PDCD6: variants seen among roughly 807,000 people sequenced by gnomAD.
PDCD6 encodes the protein programmed cell death protein 6.
In PDCD6, 12 loss-of-function variants were observed where a neutral mutation model predicts 28.3. The observed-to-expected ratio is 0.42, with a 90% CI of 0.27 to 0.69. The LOEUF (loss-of-function observed/expected upper bound fraction) is 0.69. PDCD6 is among the 30% of genes least tolerant of loss of function. PDCD6 has a pLI of 0.22. For missense variants in PDCD6, 226 were observed against 269.9 expected (o/e 0.84, Z 1.14); for synonymous variants, 92 against 108.0 (o/e 0.85, Z 0.92).
chr5:314,030 C>CTGTGTCCTCA (rs76623415), intron 5 of PDCD6, among the ~76,000 whole-genome samples: 2 of 151,714 alleles, frequency 1.3e-5, no homozygotes, highest in African/African-American at 4.8e-5. Context: ...GCATCCCCTG[C>CTGTGTCCTCA]GCTGCACATG....
intron 4 of PDCD6, chr5:308,830 A>AT (rs1461494335): frequency 3.3e-5 from 5 of 152,060 alleles, no homozygotes; most frequent in African/African-American, 4.8e-5. Flanking sequence ...TAATCCACCG[A>AT]TTCGTTTTTT....
intron 5 of PDCD6, 36 bp downstream of exon 5, chr5:311,438 G>A (rs764291004): frequency 1.7e-5 from 25 of 1,432,556 alleles, no homozygotes; most frequent in Non-Finnish European, 2.4e-5. Flanking sequence ...TGTGGTGGTG[G>A]TGGGAGGGGC....
At chr5:294,656 C>T (rs1161371800) in intron 2 of PDCD6, among the ~76,000 whole-genome samples, 1 of 152,258 alleles carries the variant, frequency 6.6e-6, no homozygotes, top group Non-Finnish European at 1.5e-5. Flanking sequence ...CGAAGTTAAG[C>T]ACATCCTTAC....
intron 2 of PDCD6, among the ~76,000 whole-genome samples, chr5:291,765 G>A (rs1323245722): frequency 3.9e-5 from 6 of 152,066 alleles, no homozygotes; most frequent in South Asian, 2.1e-4. Flanking sequence ...ATCTCCCATC[G>A]TCTGAGGGGA....
At chr5:314,287 T>G in intron 5 of PDCD6, 130 bp from the exon 6 acceptor site, 1 of 645,984 alleles carries the variant, frequency 1.5e-6, no homozygotes, top group East Asian at 2.6e-5. Context: ...TGCGCCTCCC[T>G]GTGCTGGGCT....
Position 314,603 on chromosome 5 carries a change from T to C in PDCD6, c.*88T>C. On this transcript the variant is annotated 3_prime_UTR_variant, in exon 6 of 6. Coordinates refer to ENST00000264933, the MANE Select transcript of PDCD6 (RefSeq NM_013232.4). Reference sequence around the variant, plus strand: ...GTGAGGGAATGGAGCACAGGTGCAGTTAGATGCTGTTCTTCCTTTAGATTT... The same window carrying C: ...GTGAGGGAATGGAGCACAGGTGCAGCTAGATGCTGTTCTTCCTTTAGATTT... 2 of 897,180 alleles carry C rather than the reference T, an allele frequency of 2.2e-6. No homozygotes were observed. The highest frequency in any genetic ancestry group is 3.7e-6 in the Non-Finnish European group (2 of 542,226). 55.6% of individuals were successfully genotyped at this position (897,180 alleles called of 1,614,324 possible). A position where few individuals can be genotyped will look rare whatever the true frequency, so the allele number is the denominator to read the frequency against.
At chr5:272,475 G>GGAGA (rs1421979217) in intron 1 of PDCD6, among the ~76,000 whole-genome samples, 2 of 140,608 alleles carry the variant, frequency 1.4e-5, no homozygotes, top group African/African-American at 5.9e-5. Flanking sequence ...AGACAGGCCA[G>GGAGA]GAGAGGAAGG....
intron 2 of PDCD6, among the ~76,000 whole-genome samples, chr5:301,965 G>A (rs567713942): frequency 5.4e-5 from 8 of 146,962 alleles, no homozygotes; most frequent in South Asian, 2.2e-4. Flanking sequence ...GCGGGTCATC[G>A]AGTGCTGCTG....
chr5:289,001 G>A (rs1250838479), intron 2 of PDCD6: 9 of 1,243,006 alleles, frequency 7.2e-6, no homozygotes, highest in Admixed American at 1.7e-5. Context: ...CATTACCTTC[G>A]GAATGTAGTA....
intron 4 of PDCD6, chr5:310,017 C>CCCGTGCACACCAGTGATGGCTGCCGTG (rs1740801325): frequency 4.6e-6 from 1 of 216,516 alleles, no homozygotes; most frequent in African/African-American, 6.7e-5. Context: ...TGGCCGCCGT[C>CCCGTGCACACCAGTGATGGCTGCCGTG]CCCGTGCACA....
intron 2 of PDCD6, among the ~76,000 whole-genome samples, chr5:302,191 CTGTG>C (rs70955230): frequency 2.3e-4 from 20 of 88,010 alleles, no homozygotes; most frequent in Admixed American, 3.8e-4. Context: ...TGGAGTGCTG[CTGTG>C]TGTGTGTGTG....
rs369381413 is a variant in PDCD6, at chr5:284,148, T to C, written c.163+11376T>C. Among the ~76,000 whole-genome samples the C allele has an allele frequency of 4.7e-4, 71 of 151,398 alleles. No homozygotes were observed. The East Asian group carries it at 0.012, about 27-fold the overall frequency. On this transcript the variant is annotated intron_variant, in intron 2 of 5. Coordinates refer to ENST00000264933, the MANE Select transcript of PDCD6 (RefSeq NM_013232.4). Reference sequence around the variant, plus strand: ...GAGCTGATGTTCTAATTTGAGTATCTTGCAGCTGCAGGCCTGGAGAGGAGC... The same window carrying C: ...GAGCTGATGTTCTAATTTGAGTATCCTGCAGCTGCAGGCCTGGAGAGGAGC...
chr5:310,367 C>T (rs932997595), intron 4 of PDCD6: 1 of 152,852 alleles, frequency 6.5e-6, no homozygotes, highest in African/African-American at 2.4e-5. Context: ...CGTAAAATGG[C>T]TGTTTGTGCA....
intron 2 of PDCD6, among the ~76,000 whole-genome samples, chr5:297,803 G>GA (rs1739714572): frequency 6.6e-6 from 1 of 152,164 alleles, no homozygotes; most frequent in Admixed American, 6.5e-5. Flanking sequence ...AAAGACTTTA[G>GA]AAGTCATCCA....
intron 1 of PDCD6, among the ~76,000 whole-genome samples, 180 bp from the exon 2 acceptor site, chr5:272,531 C>T (rs1737896860): frequency 7.0e-6 from 1 of 143,484 alleles, no homozygotes; most frequent in African/African-American, 2.8e-5. Context: ...AGGGGAAGAC[C>T]ACACTGGACG....
chr5:284,892 G>A, intron 2 of PDCD6, among the ~76,000 whole-genome samples: 1 of 148,500 alleles, frequency 6.7e-6, no homozygotes, highest in Non-Finnish European at 1.5e-5. Context: ...TGATGTTCCA[G>A]TCTGAGGGTC....
intron 2 of PDCD6, among the ~76,000 whole-genome samples, chr5:294,896 C>T (rs7708205): frequency 0.26 from 36,715 of 138,782 alleles, 6,751 homozygotes; most frequent in African/African-American, 0.56. Flanking sequence ...TCCCAGGCCA[C>T]ATGCCCAGTG....
At chr5:300,654 G>A (rs748215510) in intron 2 of PDCD6, among the ~76,000 whole-genome samples, 2 of 152,228 alleles carry the variant, frequency 1.3e-5, no homozygotes, top group African/African-American at 2.4e-5. Context: ...ATGCCTGTGC[G>A]CCACGGTGCT....
intron 2 of PDCD6, among the ~76,000 whole-genome samples, chr5:283,410 G>C (rs927328516): frequency 5.9e-5 from 9 of 152,188 alleles, no homozygotes; most frequent in African/African-American, 2.2e-4. Flanking sequence ...TGCAGACCCA[G>C]AGAGGAGCTG....
Sources: gnomAD v4.1 joint callset for allele counts (sites outside exome capture counted in the v4.1 genomes callset) on GRCh38, gnomAD v4.1.1 for gene constraint, MANE v1.5 for transcripts, NCBI Gene and HGNC (gene_info 2026-07-23, HGNC 2026-07-21) for gene names.